Variants in PPP1R12B observed in about 807,000 individuals in gnomAD.
PPP1R12B encodes the protein protein phosphatase 1 regulatory subunit 12B, also known as myosin phosphatase target subunit 2.
In PPP1R12B, 76 loss-of-function variants were observed where a neutral mutation model predicts 126.1. The ratio of observed to expected loss-of-function variants is 0.60; its 90% CI spans 0.50 to 0.73. The LOEUF (loss-of-function observed/expected upper bound fraction) is 0.73, where lower values mean the gene tolerates loss of function less well. PPP1R12B is among the 30% of genes least tolerant of loss of function. The probability of loss-of-function intolerance (pLI) is 0.00; values close to 1 mark genes in which losing one functional copy is unlikely to be tolerated. For missense variants in PPP1R12B, 1,052 were observed against 1,205.1 expected, an observed-to-expected ratio of 0.87 and a Z score of 1.88; for synonymous variants, 356 against 434.7, an observed-to-expected ratio of 0.82 and a Z score of 2.25.
intron 18 of PPP1R12B, among the ~76,000 whole-genome samples, chr1:202,528,081 A>G (rs1683540047): frequency 6.6e-6 from 1 of 152,142 alleles, no homozygotes; most frequent in Non-Finnish European, 1.5e-5. Flanking sequence ...GGACACTCTC[A>G]GTCGGTATTA....
chr1:202,579,730 A>T lies in PPP1R12B; in HGVS notation c.2863-744A>T, dbSNP rs552383602. ...CAAGCATCTATTTCTGTGAATTACA[A>T]TGCCATCCCCTAAAACTGCTGATGA... On this transcript the variant is annotated intron_variant, in intron 23 of 23. Coordinates refer to ENST00000608999, the MANE Select transcript of PPP1R12B (RefSeq NM_002481.4). 5.9e-5 allele frequency among the ~76,000 whole-genome samples: 9 copies of T among 152,314 alleles called. No individual in the cohort carries two copies. In the South Asian group the frequency reaches 1.0e-3, roughly 18 times the overall value.
At chr1:202,455,147 G>A (rs907600134) in intron 13 of PPP1R12B, among the ~76,000 whole-genome samples, 3 of 152,164 alleles carry the variant, frequency 2.0e-5, no homozygotes, top group African/African-American at 7.2e-5. Flanking sequence ...AAGAATGAGG[G>A]AGAGAGGTCT....
At chr1:202,515,714 C>T (rs1682067308) in intron 18 of PPP1R12B, among the ~76,000 whole-genome samples, 1 of 152,132 alleles carries the variant, frequency 6.6e-6, no homozygotes, top group Non-Finnish European at 1.5e-5. Context: ...CCACCATGCC[C>T]AGCTAATTCT....
chr1:202,439,056 A>G, intron 10 of PPP1R12B: 2 of 1,386,996 alleles, frequency 1.4e-6, no homozygotes, highest in African/African-American at 1.4e-5. Context: ...CTGGCCGCCA[A>G]CTCCTATGAC....
In PPP1R12B at chr1:202,580,755, A is replaced by G. The variant is rs1689504391; in HGVS notation, c.*195A>G. 3 of 538,168 alleles carry G rather than the reference A, an allele frequency of 5.6e-6. No individual in the cohort carries two copies. Among genetic ancestry groups the G allele is most frequent in the Admixed American group, 6.2e-5 (2 of 32,268 alleles). The allele number at this position is 538,168 out of a possible 1,614,324, so 33.3% of individuals were successfully genotyped here. A position where few individuals can be genotyped will look rare whatever the true frequency, so the allele number is the denominator to read the frequency against. ...CAATGCCCTGTTCTTCCAAACCCCT[A>G]TCCCAAGTTTTATGACAGTTTTAAT... is the stretch of plus-strand genomic sequence containing the variant. On this transcript the variant is annotated 3_prime_UTR_variant, in exon 24 of 24. Coordinates refer to ENST00000608999, the MANE Select transcript of PPP1R12B (RefSeq NM_002481.4).
At chr1:202,368,426 C>T (rs1229471998) in intron 1 of PPP1R12B, among the ~76,000 whole-genome samples, 1 of 152,190 alleles carries the variant, frequency 6.6e-6, no homozygotes, top group Non-Finnish European at 1.5e-5. Flanking sequence ...CATGCTTGTG[C>T]AGCCTGCAGA....
At chr1:202,438,427 C>T in intron 10 of PPP1R12B, 1 of 465,980 alleles carries the variant, frequency 2.1e-6, no homozygotes, top group Non-Finnish European at 3.9e-6. Context: ...TCTAAGCCCT[C>T]TGCCCCCGCC....
At chr1:202,399,714 T>G (rs556937868) in intron 1 of PPP1R12B, among the ~76,000 whole-genome samples, 133 of 152,256 alleles carry the variant, frequency 8.7e-4, no homozygotes, top group Non-Finnish European at 1.6e-3. Flanking sequence ...ACCAGGATGG[T>G]CTCGATCTCC....
intron 1 of PPP1R12B, among the ~76,000 whole-genome samples, chr1:202,354,149 C>T: frequency 6.6e-6 from 1 of 152,090 alleles, no homozygotes; most frequent in South Asian, 2.1e-4. Flanking sequence ...ATAAAATTCA[C>T]TCTTTGTAGT....
At chr1:202,356,947 T>G (rs7555123) in intron 1 of PPP1R12B, among the ~76,000 whole-genome samples, 84,591 of 151,262 alleles carry the variant, frequency 0.56, 25,394 homozygotes, top group East Asian at 0.77. Context: ...TCAGCCTCCT[T>G]ATTAGCTGGG....
chr1:202,527,900 A>G (rs1050977034), intron 18 of PPP1R12B, among the ~76,000 whole-genome samples: 1 of 152,224 alleles, frequency 6.6e-6, no homozygotes, highest in Non-Finnish European at 1.5e-5. Flanking sequence ...AGAAAAACCA[A>G]AATAAAGTCT....
intron 1 of PPP1R12B, among the ~76,000 whole-genome samples, chr1:202,392,882 T>C: frequency 6.6e-6 from 1 of 152,154 alleles, no homozygotes; most frequent in Non-Finnish European, 1.5e-5. Context: ...GTGGTGATGG[T>C]TTCACTTATC....
At chr1:202,452,291 C>T (rs1673084661) in intron 13 of PPP1R12B, among the ~76,000 whole-genome samples, 1 of 152,232 alleles carries the variant, frequency 6.6e-6, no homozygotes, top group Admixed American at 6.5e-5. Flanking sequence ...ACTCCATCTG[C>T]AATCCCGGCA....
intron 13 of PPP1R12B, among the ~76,000 whole-genome samples, chr1:202,485,622 C>G (rs1485567047): frequency 2.0e-5 from 3 of 152,124 alleles, no homozygotes; most frequent in Non-Finnish European, 4.4e-5. Flanking sequence ...CCAGGCTGAT[C>G]CTGGTAGGGA....
chr1:202,363,295 C>T (rs1439905002), intron 1 of PPP1R12B, among the ~76,000 whole-genome samples: 2 of 152,172 alleles, frequency 1.3e-5, no homozygotes, highest in East Asian at 1.9e-4. Context: ...CTGACAAACT[C>T]ATAATTTTAA....
At chr1:202,537,690 A>G (rs964784932) in intron 18 of PPP1R12B, among the ~76,000 whole-genome samples, 5 of 152,222 alleles carry the variant, frequency 3.3e-5, no homozygotes, top group Admixed American at 6.5e-5. Context: ...CACTGTATGA[A>G]TCTTACAGAA....
rs568208878 is a variant in PPP1R12B at position 202,539,315 on chromosome 1, TACAAGTGGTA to T, written c.2491-19559_2491-19550del. Among the ~76,000 whole-genome samples the T allele has an allele frequency of 3.3e-5, 5 of 152,290 alleles. No individual in the cohort carries two copies. In the East Asian group the frequency reaches 9.7e-4, roughly 29 times the overall value. On this transcript the variant is annotated intron_variant, in intron 18 of 23. Transcript: ENST00000608999. ...AAGCTGGCAGGCTTTCTTTTCCTCC[TACAAGTGGTA>T]ACCCGAATTCTGAGTTGAAAGTGAA...
intron 13 of PPP1R12B, among the ~76,000 whole-genome samples, chr1:202,470,964 A>G (rs1675792264): frequency 6.6e-6 from 1 of 151,588 alleles, no homozygotes; most frequent in Non-Finnish European, 1.5e-5. Context: ...CAATCTCTCC[A>G]TCTTCTGGTC....
chr1:202,378,793 A>G (rs1661708422), intron 1 of PPP1R12B, among the ~76,000 whole-genome samples: 2 of 152,252 alleles, frequency 1.3e-5, no homozygotes, highest in Non-Finnish European at 1.5e-5. Context: ...TCTAGTTCTT[A>G]TCCTTTTGGA....
Sources: gnomAD v4.1 joint callset for allele counts (sites outside exome capture counted in the v4.1 genomes callset) on GRCh38, gnomAD v4.1.1 for gene constraint, MANE v1.5 for transcripts, NCBI Gene and HGNC (gene_info 2026-07-23, HGNC 2026-07-21) for gene names.